Variants in SKA2 observed in about 807,000 individuals in gnomAD.
SKA2 encodes the protein spindle and kinetochore-associated protein 2.
A neutral mutation model predicts 16.9 loss-of-function variants in SKA2; 13 were observed. The observed-to-expected ratio is 0.77, with a 90% CI of 0.50 to 1.22. SKA2 has a LOEUF of 1.22. SKA2 is among the 50% of genes most tolerant of loss of function. The probability of loss-of-function intolerance (pLI) is 0.00; values close to 1 mark genes in which losing one functional copy is unlikely to be tolerated. For synonymous variants in SKA2, 47 were observed against 48.5 expected (o/e 0.97, Z 0.13); for missense variants, 107 against 139.7 (o/e 0.77, Z 1.18).
At chr17:59,123,241 C>CTTTTTT (rs138522640) in intron 2 of SKA2, among the ~76,000 whole-genome samples, 1 of 99,128 alleles carries the variant, frequency 1.0e-5, no homozygotes, top group East Asian at 2.8e-4. Context: ...GTACAAAATT[C>CTTTTTT]TTTTTTTTTT....
At chr17:59,121,978 A>G (rs1221507548) in intron 2 of SKA2, among the ~76,000 whole-genome samples, 1 of 151,846 alleles carries the variant, frequency 6.6e-6, no homozygotes, top group East Asian at 1.9e-4. Context: ...CTGAAAAAAA[A>G]AAAAAATCCC....
chr17:59,124,106 T>C (rs566292480), intron 2 of SKA2, among the ~76,000 whole-genome samples: 2 of 152,296 alleles, frequency 1.3e-5, no homozygotes, highest in Non-Finnish European at 2.9e-5. Flanking sequence ...TTTATATTTC[T>C]GCAACTCTTC....
At chr17:59,121,888 C>T (rs2046337478) in intron 2 of SKA2, among the ~76,000 whole-genome samples, 1 of 148,116 alleles carries the variant, frequency 6.8e-6, no homozygotes, top group Non-Finnish European at 1.5e-5. Flanking sequence ...GGGAGAATTG[C>T]TTGAACCTGG....
intron 3 of SKA2, among the ~76,000 whole-genome samples, chr17:59,113,364 A>AT (rs1249343710): frequency 7.4e-5 from 11 of 148,660 alleles, no homozygotes; most frequent in South Asian, 2.1e-4. Flanking sequence ...TCTACTAAAA[A>AT]ACACAAAAAT....
At chr17:59,147,646 T>C (rs1240572153) in intron 1 of SKA2, among the ~76,000 whole-genome samples, 2 of 151,702 alleles carry the variant, frequency 1.3e-5, no homozygotes, top group African/African-American at 4.8e-5. Context: ...TTAATTTTAT[T>C]AGAGATGGAG....
chr17:59,110,996 G>A lies in SKA2; in HGVS notation c.*1281C>T, dbSNP rs2046260726. ...ACTAACATTTGATGCATTTTTCCTA[G>A]TCCTTTCAATGCTTAGTTTTTATTA... is the stretch of plus-strand genomic sequence containing the variant. On this transcript the variant is annotated 3_prime_UTR_variant, in exon 4 of 4. Coordinates refer to ENST00000330137, the MANE Select transcript of SKA2 (RefSeq NM_182620.4). 6.6e-6 allele frequency: 1 copy of A among 151,956 alleles called. No homozygotes were observed. The allele number at this position is 151,956 out of a possible 1,614,324, so 9.4% of individuals were successfully genotyped here.
intron 3 of SKA2, among the ~76,000 whole-genome samples, chr17:59,116,557 CTTT>C (rs1197690406): frequency 6.6e-6 from 1 of 151,614 alleles, no homozygotes; most frequent in Non-Finnish European, 1.5e-5. Flanking sequence ...TTCAGGTGTT[CTTT>C]TTAACTATTA....
At chr17:59,138,290 A>G (rs2046461381) in intron 1 of SKA2, among the ~76,000 whole-genome samples, 2 of 151,876 alleles carry the variant, frequency 1.3e-5, no homozygotes, top group South Asian at 2.1e-4. Context: ...TTTTCCTCCT[A>G]TTTTGGAATA....
chr17:59,143,463 C>A (rs1188672110), intron 1 of SKA2, among the ~76,000 whole-genome samples: 2 of 152,156 alleles, frequency 1.3e-5, no homozygotes, highest in Non-Finnish European at 2.9e-5. Flanking sequence ...TTCACTGCAA[C>A]CTCCGCTTCT....
At chr17:59,123,752 A>G (rs1301829363) in intron 2 of SKA2, among the ~76,000 whole-genome samples, 1 of 152,164 alleles carries the variant, frequency 6.6e-6, no homozygotes, top group Non-Finnish European at 1.5e-5. Context: ...CAGCTAATGT[A>G]TAGCACTTAC....
At chr17:59,139,550 A>G (rs1454252261) in intron 1 of SKA2, among the ~76,000 whole-genome samples, 1 of 151,902 alleles carries the variant, frequency 6.6e-6, no homozygotes, top group African/African-American at 2.4e-5. Context: ...AGTGCTCACT[A>G]TGTTGCCCAG....
intron 1 of SKA2, among the ~76,000 whole-genome samples, chr17:59,150,603 A>G (rs1017516212): frequency 7.9e-5 from 12 of 152,134 alleles, no homozygotes; most frequent in African/African-American, 2.9e-4. Flanking sequence ...TTAGCCAGGC[A>G]TGGTAGGACA....
chr17:59,154,976 G>A, intron 1 of SKA2, 155 bp downstream of exon 1: 1 of 1,614,018 alleles, frequency 6.2e-7, no homozygotes. Flanking sequence ...TTAGACACCA[G>A]ACGGTGGCGG....
intron 1 of SKA2, among the ~76,000 whole-genome samples, chr17:59,146,088 C>T (rs1409592577): frequency 6.6e-6 from 1 of 151,946 alleles, no homozygotes; most frequent in Non-Finnish European, 1.5e-5. Context: ...ATTTGTAAAA[C>T]TACAGCTCTT....
chr17:59,135,766 T>A (rs1487038121), intron 1 of SKA2, among the ~76,000 whole-genome samples: 1 of 148,704 alleles, frequency 6.7e-6, no homozygotes, highest in Non-Finnish European at 1.5e-5. Context: ...ATTTTTAAAA[T>A]ATATAAAATA....
At chr17:59,140,684 C>T (rs1599674627) in intron 1 of SKA2, among the ~76,000 whole-genome samples, 1 of 150,156 alleles carries the variant, frequency 6.7e-6, no homozygotes, top group Middle Eastern at 3.8e-3. Flanking sequence ...AATCTCGGCT[C>T]ACTGCAAGCT....
chr17:59,145,027 A>C (rs956904989), intron 1 of SKA2, among the ~76,000 whole-genome samples: 1 of 152,132 alleles, frequency 6.6e-6, no homozygotes, highest in African/African-American at 2.4e-5. Flanking sequence ...GGAACTCCTG[A>C]CCGCAGATGA....
intron 3 of SKA2, among the ~76,000 whole-genome samples, chr17:59,115,769 T>C (rs1052428138): frequency 1.3e-5 from 2 of 152,248 alleles, no homozygotes; most frequent in African/African-American, 4.8e-5. Flanking sequence ...ATGAGACTAA[T>C]GAATCCACAT....
chr17:59,143,197 T>C (rs1427511807), intron 1 of SKA2, among the ~76,000 whole-genome samples: 2 of 151,944 alleles, frequency 1.3e-5, no homozygotes, highest in African/African-American at 4.8e-5. Context: ...CCCTATATTT[T>C]ATCCAAAACT....
Sources: allele counts gnomAD v4.1 joint callset (sites outside exome capture counted in the v4.1 genomes callset), GRCh38; gene constraint gnomAD v4.1.1; transcripts MANE v1.5; gene names NCBI Gene and HGNC (gene_info 2026-07-23, HGNC 2026-07-21).